CDH12: variants seen among roughly 807,000 people sequenced by gnomAD.
CDH12 encodes the protein cadherin 12.
CDH12 carries 41 observed loss-of-function variants against 74.1 expected under a neutral mutation model. The observed-to-expected ratio is 0.55, with a 90% confidence interval of 0.43 to 0.72. The LOEUF (loss-of-function observed/expected upper bound fraction) is 0.72. Among genes scored for constraint, CDH12 ranks in the 30% least tolerant of loss-of-function variants. The pLI is 0.00. For synonymous variants in CDH12, 399 were observed against 355.0 expected, an observed-to-expected ratio of 1.12 and a Z score of -1.39; for missense variants, 945 against 977.2, an observed-to-expected ratio of 0.97 and a Z score of 0.44.
intron 4 of CDH12, among the ~76,000 whole-genome samples, chr5:22,182,672 C>G (rs1749709782): frequency 6.6e-6 from 1 of 152,084 alleles, no homozygotes; most frequent in Non-Finnish European, 1.5e-5. Flanking sequence ...AAGATCCTGC[C>G]TGGACTGAAG....
chr5:21,802,550 TAAC>T (rs1264869699), intron 9 of CDH12, 130 bp from the exon 10 acceptor site: 1 of 741,288 alleles, frequency 1.3e-6, no homozygotes, highest in African/African-American at 1.8e-5. Context: ...TTTTTCTTAA[TAAC>T]TAGTGGGTAA....
At chr5:22,673,070 C>A (rs978860213) in intron 1 of CDH12, among the ~76,000 whole-genome samples, 6 of 151,854 alleles carry the variant, frequency 4.0e-5, no homozygotes, top group Non-Finnish European at 7.4e-5. Flanking sequence ...CTCCTTGTAA[C>A]AAAAGTCAAT....
chr5:21,872,600 C>G (rs149223727), intron 6 of CDH12, among the ~76,000 whole-genome samples: 206 of 152,128 alleles, frequency 1.4e-3, no homozygotes, highest in African/African-American at 4.8e-3. Flanking sequence ...ATTCAGTAAG[C>G]TTTGTATTTT....
At chr5:21,777,987 A>G (rs1745687530) in intron 11 of CDH12, among the ~76,000 whole-genome samples, 2 of 152,194 alleles carry the variant, frequency 1.3e-5, no homozygotes, top group Admixed American at 1.3e-4. Context: ...TCAGGAATAC[A>G]ATATATTAAC....
intron 4 of CDH12, among the ~76,000 whole-genome samples, chr5:22,154,385 C>A (rs1245732759): frequency 6.6e-6 from 1 of 150,548 alleles, no homozygotes; most frequent in Non-Finnish European, 1.5e-5. Flanking sequence ...AACATCTCTC[C>A]ATTTCCCCTA....
intron 5 of CDH12, among the ~76,000 whole-genome samples, chr5:22,048,617 T>C (rs1740128574): frequency 6.6e-6 from 1 of 151,840 alleles, no homozygotes; most frequent in African/African-American, 2.4e-5. Context: ...GTTGCTAAAA[T>C]ATGGAAAAAT....
chr5:21,785,568 T>C (rs1005270433), intron 10 of CDH12, among the ~76,000 whole-genome samples: 1 of 152,282 alleles, frequency 6.6e-6, no homozygotes, highest in East Asian at 1.9e-4. Flanking sequence ...ATGAGTTTTA[T>C]TGTGGTTATA....
intron 5 of CDH12, among the ~76,000 whole-genome samples, chr5:22,057,539 G>C (rs1024387149): frequency 6.6e-6 from 1 of 152,152 alleles, no homozygotes. Context: ...AGGGATGGGG[G>C]AAAGGAACAG....
intron 6 of CDH12, among the ~76,000 whole-genome samples, chr5:21,929,280 C>T (rs1160147908): frequency 2.6e-5 from 4 of 151,774 alleles, no homozygotes; most frequent in Non-Finnish European, 5.9e-5. Context: ...ATTATTATTA[C>T]ATTTTAATAT....
chr5:21,887,951 C>A (rs112180139), intron 6 of CDH12, among the ~76,000 whole-genome samples: 1 of 151,784 alleles, frequency 6.6e-6, no homozygotes, highest in Non-Finnish European at 1.5e-5. Flanking sequence ...TCTTTCACCT[C>A]TTTCCATTAG....
chr5:22,050,590 A>C lies in CDH12; in HGVS notation c.231+27856T>G, dbSNP rs541849648. Among the ~76,000 whole-genome samples the C allele has an allele frequency of 6.6e-5, 10 of 152,134 alleles. 1 individual carries two copies. The highest frequency in any genetic ancestry group is 2.2e-4 in the African/African-American group (9 of 41,516). On this transcript the variant is annotated intron_variant, in intron 5 of 14. Coordinates refer to ENST00000382254, the MANE Select transcript of CDH12 (RefSeq NM_004061.5). ...TCTAAACAAAACAACCATTGCATGC[A>C]TTTTCTCCTTACAATGTCAGTTCAT...
chr5:22,102,332 G>A (rs1373966714), intron 4 of CDH12, among the ~76,000 whole-genome samples: 1 of 152,062 alleles, frequency 6.6e-6, no homozygotes, highest in East Asian at 1.9e-4. Context: ...TGAAAAAGTA[G>A]TGCGATGGTT....
intron 2 of CDH12, among the ~76,000 whole-genome samples, chr5:22,408,866 T>G (rs1284593482): frequency 6.6e-6 from 1 of 151,926 alleles, no homozygotes; most frequent in Admixed American, 6.6e-5. Context: ...TGGACAATTT[T>G]GTTTCCAATG....
chr5:22,480,772 T>C (rs1746357231), intron 2 of CDH12, among the ~76,000 whole-genome samples: 2 of 152,094 alleles, frequency 1.3e-5, no homozygotes, highest in South Asian at 2.1e-4. Context: ...GGTGTCAGGC[T>C]AAACAGGCAG....
intron 6 of CDH12, among the ~76,000 whole-genome samples, chr5:21,859,666 A>G (rs1489329959): frequency 6.6e-6 from 1 of 151,934 alleles, no homozygotes; most frequent in Non-Finnish European, 1.5e-5. Flanking sequence ...TCTTAGTTCC[A>G]GAGGGAGAAA....
intron 3 of CDH12, among the ~76,000 whole-genome samples, chr5:22,402,151 T>A (rs1192001292): frequency 1.3e-5 from 2 of 152,176 alleles, no homozygotes; most frequent in Non-Finnish European, 2.9e-5. Context: ...TAACTGCAAA[T>A]GCAGAAGGTG....
chr5:22,777,662 G>C (rs6874963), intron 1 of CDH12, among the ~76,000 whole-genome samples: 11 of 151,770 alleles, frequency 7.2e-5, no homozygotes, highest in Non-Finnish European at 1.5e-4. Flanking sequence ...GCCTTTTTAT[G>C]TTTTTCACCC....
intron 5 of CDH12, among the ~76,000 whole-genome samples, chr5:22,073,530 A>T (rs2150219668): frequency 6.6e-6 from 1 of 152,294 alleles, no homozygotes; most frequent in Non-Finnish European, 1.5e-5. Context: ...AGTTTGAGCA[A>T]CTGGTAACAT....
intron 6 of CDH12, among the ~76,000 whole-genome samples, chr5:21,923,719 G>T (rs1051505848): frequency 2.0e-5 from 3 of 152,018 alleles, no homozygotes; most frequent in Admixed American, 1.3e-4. Flanking sequence ...AATAAGTTTT[G>T]GGTGTGCTTC....
Sources: allele counts gnomAD v4.1 joint callset (sites outside exome capture counted in the v4.1 genomes callset), GRCh38; gene constraint gnomAD v4.1.1; transcripts MANE v1.5; gene names NCBI Gene and HGNC (gene_info 2026-07-23, HGNC 2026-07-21).